Variants in TENM4 observed in about 807,000 individuals in gnomAD.
TENM4 encodes the protein teneurin transmembrane protein 4, also known as teneurin-4.
TENM4 carries 82 observed loss-of-function variants against 243.3 expected under a neutral mutation model. The observed-to-expected ratio is 0.34, with a 90% CI of 0.28 to 0.40. TENM4 has a LOEUF of 0.40. Among genes scored for constraint, TENM4 ranks in the 10% least tolerant of loss-of-function variants. The pLI, the probability that TENM4 is intolerant of heterozygous loss-of-function variation, is 1.00. For missense variants in TENM4, 3,138 were observed against 3,673.3 expected (o/e 0.85, Z 3.77); for synonymous variants, 1,412 against 1,456.3 (o/e 0.97, Z 0.69).
At chr11:79,371,980 C>T (rs546361731) in intron 1 of TENM4, among the ~76,000 whole-genome samples, 1 of 152,166 alleles carries the variant, frequency 6.6e-6, no homozygotes, top group East Asian at 1.9e-4. Flanking sequence ...GGAAGAGAGC[C>T]CAAGGTGTCA....
chr11:78,901,985 C>T (rs1312547648), intron 7 of TENM4, among the ~76,000 whole-genome samples: 1 of 152,198 alleles, frequency 6.6e-6, no homozygotes, highest in Non-Finnish European at 1.5e-5. Flanking sequence ...TAGCTGTGTG[C>T]TAGGCAGTCA....
intron 2 of TENM4, among the ~76,000 whole-genome samples, chr11:79,247,272 C>T (rs1855534469): frequency 6.6e-6 from 1 of 151,902 alleles, no homozygotes; most frequent in Non-Finnish European, 1.5e-5. Flanking sequence ...CAAAAATTAG[C>T]CGGGCATGGT....
Position 79,403,653 on chromosome 11 carries a change from C to A in TENM4, c.-321+36856G>T, listed in dbSNP as rs1048311138. ...TAGCCCACCCCTCGACACTCACATT[C>A]TCCCATTCCTCCCACCCCCAGTTGT... On this transcript the variant is annotated intron_variant, in intron 1 of 33. Transcript: ENST00000278550. Among the ~76,000 whole-genome samples, 3 of 152,160 alleles carry A rather than the reference C, an allele frequency of 2.0e-5. No individual in the cohort carries two copies. In the East Asian group the frequency reaches 5.8e-4, roughly 29 times the overall value.
intron 1 of TENM4, among the ~76,000 whole-genome samples, chr11:79,371,620 C>T (rs151193006): frequency 6.6e-6 from 1 of 152,308 alleles, no homozygotes; most frequent in African/African-American, 2.4e-5. Context: ...CTCTTTGCTT[C>T]TCTTCCCCTA....
intron 2 of TENM4, among the ~76,000 whole-genome samples, chr11:79,254,152 G>T (rs1855660939): frequency 1.3e-5 from 2 of 152,046 alleles, no homozygotes; most frequent in South Asian, 4.2e-4. Context: ...AAAACTTTTT[G>T]GCTCATTTAT....
intron 15 of TENM4, among the ~76,000 whole-genome samples, chr11:78,799,442 C>T (rs536554347): frequency 6.6e-6 from 1 of 152,328 alleles, no homozygotes; most frequent in Admixed American, 6.5e-5. Context: ...CTAAGAATTA[C>T]ACTTGTTAGA....
At chr11:79,365,972 G>A (rs771117075) in intron 1 of TENM4, among the ~76,000 whole-genome samples, 1 of 152,158 alleles carries the variant, frequency 6.6e-6, no homozygotes, top group Non-Finnish European at 1.5e-5. Flanking sequence ...ACACTGATGG[G>A]CTCTAAGCAA....
At chr11:78,758,437 G>A (rs766727805) in intron 18 of TENM4, among the ~76,000 whole-genome samples, 5 of 152,202 alleles carry the variant, frequency 3.3e-5, no homozygotes, top group African/African-American at 7.2e-5. Flanking sequence ...GATGTTCAGA[G>A]ACTAAAGTTC....
chr11:79,086,640 C>A (rs559634385), intron 4 of TENM4, among the ~76,000 whole-genome samples: 58 of 152,074 alleles, frequency 3.8e-4, no homozygotes, highest in Middle Eastern at 3.4e-3. Context: ...TTAAGACCAG[C>A]CTGGCCAACA....
chr11:79,130,378 C>A (rs972658065), intron 4 of TENM4, among the ~76,000 whole-genome samples: 2 of 151,756 alleles, frequency 1.3e-5, no homozygotes, highest in Non-Finnish European at 2.9e-5. Flanking sequence ...TGGATCTAAA[C>A]CAAGAAGAAA....
At chr11:78,686,720 G>A (rs1183663665) in intron 29 of TENM4, among the ~76,000 whole-genome samples, 1 of 152,202 alleles carries the variant, frequency 6.6e-6, no homozygotes, top group Non-Finnish European at 1.5e-5. Context: ...TTTGGTCACA[G>A]AAGTCTTCTG....
chr11:79,399,977 A>G (rs1858422914), intron 1 of TENM4, among the ~76,000 whole-genome samples: 1 of 152,180 alleles, frequency 6.6e-6, no homozygotes, highest in African/African-American at 2.4e-5. Context: ...CCCAAGGCAG[A>G]AATCCTTCTT....
At chr11:78,968,140 A>G (rs935636825) in intron 6 of TENM4, among the ~76,000 whole-genome samples, 1 of 152,156 alleles carries the variant, frequency 6.6e-6, no homozygotes, top group Non-Finnish European at 1.5e-5. Flanking sequence ...CTGGCTCTCT[A>G]TACTCATGCT....
At chr11:79,168,594 G>A (rs1862970359) in intron 3 of TENM4, among the ~76,000 whole-genome samples, 1 of 152,178 alleles carries the variant, frequency 6.6e-6, no homozygotes, top group Non-Finnish European at 1.5e-5. Context: ...CTTGGTAGCT[G>A]GTTGATACAG....
intron 9 of TENM4, among the ~76,000 whole-genome samples, chr11:78,874,989 G>A (rs1177064606): frequency 6.6e-6 from 1 of 152,202 alleles, no homozygotes; most frequent in Non-Finnish European, 1.5e-5. Flanking sequence ...TCATGCTGGA[G>A]GAAGCCTGGA....
chr11:78,830,763 T>C (rs1857963058), intron 12 of TENM4, among the ~76,000 whole-genome samples: 1 of 152,142 alleles, frequency 6.6e-6, no homozygotes. Context: ...GCCAGGACAG[T>C]AAATTAAGAG....
rs552583744 is a variant in TENM4, at chr11:79,133,522, C to G, written c.-66+15188G>C. ...TTCTATGAAGCCAGCACCACCCTAA[C>G]CCAAAATCAGGAAAGGACATAACCA... On this transcript the variant is annotated intron_variant, in intron 4 of 33. Transcript: ENST00000278550. 7.6e-4 allele frequency among the ~76,000 whole-genome samples: 116 copies of G among 151,960 alleles called. 1 individual carries two copies. Among genetic ancestry groups the G allele is most frequent in the Non-Finnish European group, 1.5e-3 (99 of 67,954 alleles).
In TENM4 at chr11:79,440,852, C is replaced by CGCGTGTGTGT. The variant is rs1468614577; in HGVS notation, c.-665_-664insACACACACGC. ...GGGTTGGGGCGGGTGTGTGCGCGCGCGTGTGTGAGTGTGTGTGTGTGTGTG... is the reference window on the plus strand; with the variant it reads ...GGGTTGGGGCGGGTGTGTGCGCGCGCGCGTGTGTGTGTGTGTGAGTGTGTGTGTGTGTGTG... On this transcript the variant is annotated 5_prime_UTR_variant, in exon 1 of 34. Coordinates refer to ENST00000278550, the MANE Select transcript of TENM4 (RefSeq NM_001098816.3). The surrounding 1 kb of genome is among the most constrained non-coding windows in gnomAD (Gnocchi z 4.7). The CGCGTGTGTGT allele has an allele frequency of 3.0e-5, 4 of 132,234 alleles. No individual in the cohort carries two copies. The highest frequency in any genetic ancestry group is 6.0e-5 in the African/African-American group (2 of 33,206). The allele number at this position is 132,234 out of a possible 1,614,324, so 8.2% of individuals were successfully genotyped here.
intron 2 of TENM4, among the ~76,000 whole-genome samples, chr11:79,261,328 C>T (rs921623352): frequency 2.0e-5 from 3 of 152,174 alleles, no homozygotes; most frequent in African/African-American, 7.2e-5. Flanking sequence ...ACCCCACAAA[C>T]CTGTACCAAA....
Sources: gnomAD v4.1 joint callset for allele counts (sites outside exome capture counted in the v4.1 genomes callset) on GRCh38, gnomAD v4.1.1 for gene constraint, Gnocchi (gnomAD v3.1) non-coding constraint, MANE v1.5 for transcripts, NCBI Gene and HGNC (gene_info 2026-07-23, HGNC 2026-07-21) for gene names.